Variants in PTPRT observed in about 807,000 individuals in gnomAD.
PTPRT encodes the protein protein tyrosine phosphatase receptor type T, also known as receptor-type tyrosine-protein phosphatase T.
PTPRT carries 56 observed loss-of-function variants against 176.8 expected under a neutral mutation model. The observed-to-expected ratio is 0.32, with a 90% CI of 0.26 to 0.40. The LOEUF (loss-of-function observed/expected upper bound fraction) is 0.40, where lower values mean the gene tolerates loss of function less well. PTPRT is among the 10% of genes least tolerant of loss of function. The probability of loss-of-function intolerance (pLI) is 1.00; values close to 1 mark genes in which losing one functional copy is unlikely to be tolerated. For missense variants in PTPRT, 1,540 were observed against 1,908.2 expected (o/e 0.81, Z 3.60); for synonymous variants, 783 against 739.0 (o/e 1.06, Z -0.96).
At chr20:42,182,907 G>GGGGTGTGT (rs141769828) in intron 16 of PTPRT, among the ~76,000 whole-genome samples, 3 of 144,606 alleles carry the variant, frequency 2.1e-5, no homozygotes, top group East Asian at 2.2e-4. Context: ...TACAAGCAGG[G>GGGGTGTGT]GTGTGTGTGT....
chr20:42,406,305 GA>G (rs1377650782), intron 9 of PTPRT, among the ~76,000 whole-genome samples: 1 of 151,800 alleles, frequency 6.6e-6, no homozygotes, highest in Non-Finnish European at 1.5e-5. Context: ...TGAAGCAAAT[GA>G]AAATAAGAGA....
At chr20:43,178,486 G>C (rs1454027536) in intron 1 of PTPRT, among the ~76,000 whole-genome samples, 1 of 152,152 alleles carries the variant, frequency 6.6e-6, no homozygotes, top group East Asian at 1.9e-4. Context: ...ATAATGCAAA[G>C]GTTAAGAGAT....
intron 1 of PTPRT, among the ~76,000 whole-genome samples, chr20:42,898,780 T>C (rs915771157): frequency 2.0e-5 from 3 of 152,102 alleles, no homozygotes; most frequent in Admixed American, 1.3e-4. Flanking sequence ...CACTGTGAGA[T>C]GCACTGTGAC....
the PTPRT span, among the ~76,000 whole-genome samples, chr20:42,058,549 G>T: frequency 6.6e-6 from 1 of 152,082 alleles, no homozygotes; most frequent in African/African-American, 2.4e-5. Context: ...CACCTTTCCA[G>T]CCCCTCCTTC....
intron 15 of PTPRT, among the ~76,000 whole-genome samples, chr20:42,205,584 G>C (rs574894831): frequency 6.6e-6 from 1 of 152,270 alleles, no homozygotes; most frequent in South Asian, 2.1e-4. Flanking sequence ...TCTGGGCTAG[G>C]AACAGGACCA....
At chr20:42,916,672 T>C (rs1450583333) in intron 1 of PTPRT, among the ~76,000 whole-genome samples, 1 of 152,230 alleles carries the variant, frequency 6.6e-6, no homozygotes, top group Non-Finnish European at 1.5e-5. Context: ...TGGTGTGAGA[T>C]GGTATCTCAT....
intron 1 of PTPRT, among the ~76,000 whole-genome samples, chr20:43,135,278 T>C (rs141358743): frequency 2.5e-4 from 38 of 152,350 alleles, no homozygotes; most frequent in African/African-American, 8.7e-4. Flanking sequence ...TTTTAATATA[T>C]GTTTGAACAC....
the PTPRT span, among the ~76,000 whole-genome samples, chr20:42,043,334 C>T: frequency 1.3e-5 from 2 of 152,164 alleles, no homozygotes; most frequent in African/African-American, 4.8e-5. Context: ...TTCTATCCCT[C>T]AAGTAAACAA....
At chr20:42,914,842 T>C (rs1426773678) in intron 1 of PTPRT, among the ~76,000 whole-genome samples, 1 of 151,776 alleles carries the variant, frequency 6.6e-6, no homozygotes, top group Non-Finnish European at 1.5e-5. Context: ...GGGCTTATTA[T>C]GTTATTCTGT....
chr20:42,270,059 C>G (rs972039684), intron 13 of PTPRT, among the ~76,000 whole-genome samples: 2 of 152,004 alleles, frequency 1.3e-5, no homozygotes, highest in African/African-American at 4.8e-5. Flanking sequence ...AGTTTTTGGA[C>G]CAGTGGCTGT....
At chr20:42,782,859 AC>A (rs1214698643) in intron 3 of PTPRT, among the ~76,000 whole-genome samples, 1 of 152,238 alleles carries the variant, frequency 6.6e-6, no homozygotes. Flanking sequence ...TAGAAAAAAC[AC>A]ATGAGTCAAG....
At chr20:42,047,496 A>G in the PTPRT span, among the ~76,000 whole-genome samples, 1 of 152,208 alleles carries the variant, frequency 6.6e-6, no homozygotes, top group African/African-American at 2.4e-5. Context: ...GTCACATGAG[A>G]ATCATATCGT....
chr20:42,833,143 G>T (rs2078121321), intron 2 of PTPRT, among the ~76,000 whole-genome samples: 1 of 151,510 alleles, frequency 6.6e-6, no homozygotes, highest in African/African-American at 2.4e-5. Context: ...TCAAAGAAAT[G>T]ATTTAAGAAT....
intron 1 of PTPRT, among the ~76,000 whole-genome samples, chr20:43,148,885 C>T (rs1293605947): frequency 6.6e-6 from 1 of 152,136 alleles, no homozygotes; most frequent in Non-Finnish European, 1.5e-5. Context: ...GATTGCAAAA[C>T]ATCAGTAGTA....
At chr20:42,292,131 C>T (rs578195140) in intron 12 of PTPRT, among the ~76,000 whole-genome samples, 7 of 152,018 alleles carry the variant, frequency 4.6e-5, no homozygotes, top group East Asian at 1.9e-4. Flanking sequence ...CCCCACCTCA[C>T]GCATACGGAT....
rs2011164582 is a variant in PTPRT, at chr20:43,070,404, G to A, written c.88+119242C>T. ...ACTGTAAACTAGTTCAACCATTGTG[G>A]AAGACACTGTGGTGATTCCTCAGGG... On this transcript the variant is annotated intron_variant, in intron 1 of 30. Coordinates refer to ENST00000373187, the MANE Select transcript of PTPRT (RefSeq NM_007050.6). 2.0e-5 allele frequency among the ~76,000 whole-genome samples: 3 copies of A among 152,160 alleles called. No homozygotes were observed. The South Asian group carries it at 6.2e-4, about 32-fold the overall frequency.
At position 42,857,367 on chromosome 20, in the gene PTPRT, A is replaced by G. The variant is rs533290060; in HGVS notation, c.214+28440T>C. Among the ~76,000 whole-genome samples, 4 of 152,354 alleles carry G rather than the reference A, an allele frequency of 2.6e-5. No homozygotes were observed. In the South Asian group the frequency reaches 8.3e-4, roughly 32 times the overall value. ...TGAGTAAGTCCTAGCTCTGCTCCTT[A>G]GAGCTAGAATTATCTTAATCCATAT... On this transcript the variant is annotated intron_variant, in intron 2 of 30. Transcript: ENST00000373187.
At chr20:42,616,429 T>C (rs2145841008) in intron 7 of PTPRT, among the ~76,000 whole-genome samples, 1 of 124,476 alleles carries the variant, frequency 8.0e-6, no homozygotes, top group East Asian at 2.0e-4. Context: ...GGGCTCTTTT[T>C]TGGTTCCATA....
rs79560573 is a variant in PTPRT at position 42,912,353 on chromosome 20, T to C, written c.89-26421A>G. On this transcript the variant is annotated intron_variant, in intron 1 of 30. Coordinates refer to ENST00000373187, the MANE Select transcript of PTPRT (RefSeq NM_007050.6). ...ATAAGTTCAACTGGCCATTTGGCAT[T>C]TCCTCATTTGTAAACTGCCTGGTTA... Among the ~76,000 whole-genome samples, 1,443 of 152,322 alleles carry C rather than the reference T, an allele frequency of 9.5e-3. 34 individuals carry two copies. The highest frequency in any genetic ancestry group is 0.032 in the African/African-American group (1,350 of 41,570).
Sources: allele counts gnomAD v4.1 joint callset (sites outside exome capture counted in the v4.1 genomes callset), GRCh38; gene constraint gnomAD v4.1.1; transcripts MANE v1.5; gene names NCBI Gene and HGNC (gene_info 2026-07-23, HGNC 2026-07-21).